The following VRK2 variants were observed in gnomAD, a reference collection of about 807,000 sequenced individuals.
VRK2 encodes serine/threonine-protein kinase VRK2.
Under a neutral mutation model 57.6 loss-of-function variants are expected in VRK2, and 60 were observed. The ratio of observed to expected loss-of-function variants is 1.04; its 90% CI spans 0.85 to 1.29. The LOEUF (loss-of-function observed/expected upper bound fraction) is 1.29. Among genes scored for constraint, VRK2 ranks in the 50% most tolerant of loss-of-function variants. The pLI is 0.00. For missense variants in VRK2, 705 were observed against 588.1 expected (o/e 1.20, Z -2.06); for synonymous variants, 231 against 199.2 (o/e 1.16, Z -1.35).
chr2:58,159,269 C>A (rs372037880), intron 12 of VRK2, 80 bp from the exon 13 acceptor site: 1 of 1,052,326 alleles, frequency 9.5e-7, no homozygotes, highest in Non-Finnish European at 1.4e-6. Flanking sequence ...TTTTATTTAG[C>A]ATTCTTACAC....
intron 12 of VRK2, among the ~76,000 whole-genome samples, chr2:58,150,308 AT>A (rs199858765): frequency 6.6e-6 from 1 of 150,828 alleles, no homozygotes; most frequent in Admixed American, 6.6e-5. Context: ...TGATCATTAG[AT>A]TTTTTTTCTT....
Position 58,159,360 on chromosome 2 carries a change from G to A in VRK2, c.1194G>A (p.Arg398=), listed in dbSNP as rs369748775. The change falls in exon 13 of 13, where the codon AGG becomes AGA. Residue 398 remains arginine (R), a synonymous_variant. Transcript: ENST00000340157. The stretch of plus-strand genomic sequence containing the variant: ...TATTTTTTCCATAGGAAAGCACAAG[G>A]AGAAGACAGAAATATCAAGAGTCTC... The part of the protein sequence containing the change: ...MNNEAAQEST[R]RRQKYQESQE... 1 of 1,605,540 alleles carries A rather than the reference G, an allele frequency of 6.2e-7. No homozygotes were observed. Among genetic ancestry groups the A allele is most frequent in the African/African-American group, 1.3e-5 (1 of 74,286 alleles).
intron 7 of VRK2, among the ~76,000 whole-genome samples, 164 bp from the exon 8 acceptor site, chr2:58,122,937 G>A (rs1244204106): frequency 1.3e-5 from 2 of 152,204 alleles, no homozygotes; most frequent in African/African-American, 4.8e-5. Context: ...AAAGTTAGTT[G>A]TTATGGCCCC....
At chr2:58,129,808 G>A (rs1412517382) in intron 8 of VRK2, among the ~76,000 whole-genome samples, 2 of 152,158 alleles carry the variant, frequency 1.3e-5, no homozygotes, top group Non-Finnish European at 2.9e-5. Flanking sequence ...ACTCTTCAGT[G>A]TGGGGAAAGG....
intron 1 of VRK2, among the ~76,000 whole-genome samples, chr2:57,976,660 A>G (rs980773221): frequency 2.0e-5 from 3 of 151,894 alleles, no homozygotes; most frequent in African/African-American, 7.3e-5. Flanking sequence ...ATTCTTCCCT[A>G]CTGTAGGTTG....
chr2:58,119,959 C>T (rs1291733958), intron 7 of VRK2, among the ~76,000 whole-genome samples: 2 of 151,566 alleles, frequency 1.3e-5, no homozygotes, highest in East Asian at 3.9e-4. Flanking sequence ...TTGAATCCTA[C>T]CTGTAACTTC....
At chr2:58,046,746 G>T, upstream of VRK2, 1 of 985,554 alleles carries the variant, frequency 1.0e-6, no homozygotes, top group Non-Finnish European at 1.2e-6. Flanking sequence ...AGGTCCTAGG[G>T]AGGGCAGGCT....
chr2:58,129,163 A>G (rs1297402317), intron 8 of VRK2, among the ~76,000 whole-genome samples: 2 of 152,196 alleles, frequency 1.3e-5, no homozygotes, highest in Non-Finnish European at 2.9e-5. Flanking sequence ...TTACAGTTCC[A>G]AGCAATAATA....
chr2:57,943,006 A>T (rs982030206), intron 1 of VRK2, among the ~76,000 whole-genome samples: 1 of 152,206 alleles, frequency 6.6e-6, no homozygotes, highest in Admixed American at 6.5e-5. Context: ...TTCACTTTTC[A>T]TAGGATAATT....
In VRK2 at chr2:58,086,290, A is replaced by C. The variant is rs767197697; in HGVS notation, c.257-49A>C. On this transcript the variant is annotated intron_variant, in intron 4 of 12. Coordinates refer to ENST00000340157, the MANE Select transcript of VRK2 (RefSeq NM_006296.7). ...ATTTGTCTGTAGAAAGGTGACAAGT[A>C]TCTTTTCAAATAACATGAATCTTTT... The C allele has an allele frequency of 2.0e-6, 3 of 1,492,460 alleles. No homozygotes were observed. The South Asian group carries it at 3.6e-5, about 18-fold the overall frequency. 92.5% of individuals were successfully genotyped at this position (1,492,460 alleles called of 1,614,324 possible). A position where few individuals can be genotyped will look rare whatever the true frequency, so the allele number is the denominator to read the frequency against.
rs577480715 is a variant in VRK2 at position 58,151,301 on chromosome 2, T to G, written c.1182+4827T>G. Among the ~76,000 whole-genome samples, 7 of 151,902 alleles carry G rather than the reference T, an allele frequency of 4.6e-5. No individual in the cohort carries two copies. In the East Asian group the frequency reaches 1.4e-3, roughly 29 times the overall value. The stretch of plus-strand genomic sequence containing the variant: ...GCAGATAGTAGTTATATGTTCTTGG[T>G]TAACTGTCCTGTTCATCATTCTGAA... On this transcript the variant is annotated intron_variant, in intron 12 of 12. Coordinates refer to ENST00000340157, the MANE Select transcript of VRK2 (RefSeq NM_006296.7).
intron 12 of VRK2, among the ~76,000 whole-genome samples, chr2:58,147,800 G>A (rs866446065): frequency 7.5e-6 from 1 of 132,730 alleles, no homozygotes; most frequent in Non-Finnish European, 1.6e-5. Flanking sequence ...TTCACTCAGT[G>A]TTTTTTTTTT....
chr2:58,150,150 G>C (rs1360727513), intron 12 of VRK2, among the ~76,000 whole-genome samples: 3 of 151,344 alleles, frequency 2.0e-5, no homozygotes, highest in Non-Finnish European at 4.4e-5. Flanking sequence ...ATACCAGTTG[G>C]AAGTGTTGCA....
At chr2:58,128,371 G>T (rs1403966437) in intron 8 of VRK2, among the ~76,000 whole-genome samples, 2 of 152,162 alleles carry the variant, frequency 1.3e-5, no homozygotes, top group Middle Eastern at 6.8e-3. Context: ...TCGCTCTGTT[G>T]TCCAGGCTGG....
chr2:58,159,739 C>A lies in VRK2; in HGVS notation c.*46C>A, dbSNP rs781611808. The A allele has an allele frequency of 6.2e-7, 1 of 1,612,862 alleles. No homozygotes were observed. Among genetic ancestry groups the A allele is most frequent in the Non-Finnish European group, 8.5e-7 (1 of 1,179,548 alleles). On this transcript the variant is annotated 3_prime_UTR_variant, in exon 13 of 13. Transcript: ENST00000340157. ...TTGATAATTTTTTAAGTTTCCAGCT[C>A]TTCACCGAAATGTTGTATTCTTATT...
At chr2:58,069,996 C>G (rs1669163037) in intron 2 of VRK2, among the ~76,000 whole-genome samples, 1 of 152,188 alleles carries the variant, frequency 6.6e-6, no homozygotes, top group East Asian at 1.9e-4. Context: ...TCAGGAGACT[C>G]TTAGAGCAAT....
At chr2:58,076,106 C>CTT (rs71394406) in intron 2 of VRK2, among the ~76,000 whole-genome samples, 100 of 121,776 alleles carry the variant, frequency 8.2e-4, no homozygotes, top group Middle Eastern at 4.8e-3. Flanking sequence ...CTACTGTCTT[C>CTT]TTTTTTTTTT....
chr2:58,024,974 T>G (rs1673878994), intron 1 of VRK2, among the ~76,000 whole-genome samples: 1 of 152,154 alleles, frequency 6.6e-6, no homozygotes, highest in Non-Finnish European at 1.5e-5. Flanking sequence ...GGGGGTTAAT[T>G]TGTAGAATAA....
chr2:58,078,960 A>C (rs1473430585), intron 2 of VRK2, among the ~76,000 whole-genome samples: 1 of 152,154 alleles, frequency 6.6e-6, no homozygotes, highest in African/African-American at 2.4e-5. Context: ...GGCATGAGCC[A>C]CTGCACTGAG....
Sources: allele counts gnomAD v4.1 joint callset (sites outside exome capture counted in the v4.1 genomes callset), GRCh38; gene constraint gnomAD v4.1.1; transcripts MANE v1.5; gene names NCBI Gene and HGNC (gene_info 2026-07-23, HGNC 2026-07-21).